MIPOL1: variants seen among roughly 807,000 people sequenced by gnomAD.
MIPOL1 encodes mirror-image polydactyly gene 1 protein.
A neutral mutation model predicts 60.9 loss-of-function variants in MIPOL1; 57 were observed. That is an observed-to-expected ratio of 0.94 (90% CI 0.76 to 1.17). The LOEUF (loss-of-function observed/expected upper bound fraction) is 1.17, where lower values mean the gene tolerates loss of function less well. Among genes scored for constraint, MIPOL1 ranks in the 50% most tolerant of loss-of-function variants. The pLI is 0.00. For missense variants in MIPOL1, 551 were observed against 511.6 expected (o/e 1.08, Z -0.74); for synonymous variants, 179 against 168.8 (o/e 1.06, Z -0.47).
chr14:37,453,257 A>G (rs1341708183), intron 11 of MIPOL1, among the ~76,000 whole-genome samples: 1 of 152,130 alleles, frequency 6.6e-6, no homozygotes, highest in African/African-American at 2.4e-5. Flanking sequence ...TTGTGAGATA[A>G]TTAGTAGCAT....
intron 12 of MIPOL1, among the ~76,000 whole-genome samples, chr14:37,523,787 G>T (rs1478397480): frequency 1.3e-5 from 2 of 152,160 alleles, no homozygotes; most frequent in African/African-American, 4.8e-5. Context: ...ATACACAGAA[G>T]TGTGTAATTA....
intron 10 of MIPOL1, among the ~76,000 whole-genome samples, chr14:37,373,545 AC>A (rs1454194420): frequency 2.6e-5 from 4 of 151,172 alleles, no homozygotes; most frequent in Admixed American, 1.3e-4. Context: ...TAGCGCCCCA[AC>A]CCCCAACAGG....
chr14:37,291,596 T>C (rs1257548319), intron 7 of MIPOL1, among the ~76,000 whole-genome samples: 4 of 152,188 alleles, frequency 2.6e-5, no homozygotes, highest in African/African-American at 9.7e-5. Flanking sequence ...GAAAATTTTC[T>C]TCTTTCCCTT....
intron 11 of MIPOL1, among the ~76,000 whole-genome samples, chr14:37,460,340 A>T (rs1408517398): frequency 6.6e-6 from 1 of 152,106 alleles, no homozygotes; most frequent in Non-Finnish European, 1.5e-5. Context: ...ACCTTCAACA[A>T]ACTAGGCCTT....
Position 37,313,940 on chromosome 14 carries a change from T to A in MIPOL1, c.828+5421T>A, listed in dbSNP as rs1021404514. ...ACCTTTCCTTGGGTTTCCTTCTACT[T>A]TTCTGTCTTCTAGGTGTTAGTTTCT... On this transcript the variant is annotated intron_variant, in intron 9 of 12. Coordinates refer to ENST00000684589, the MANE Select transcript of MIPOL1 (RefSeq NM_001388067.1). Among the ~76,000 whole-genome samples, 7 of 152,142 alleles carry A rather than the reference T, an allele frequency of 4.6e-5. No homozygotes were observed. In the South Asian group the frequency reaches 8.3e-4, roughly 18 times the overall value.
chr14:37,399,435 C>T (rs2093439967), intron 10 of MIPOL1, among the ~76,000 whole-genome samples: 1 of 152,112 alleles, frequency 6.6e-6, no homozygotes, highest in Non-Finnish European at 1.5e-5. Context: ...CTCCCTAAGC[C>T]AGTGATGCGT....
chr14:37,294,429 C>G (rs2085415109), intron 7 of MIPOL1, among the ~76,000 whole-genome samples: 2 of 152,162 alleles, frequency 1.3e-5, no homozygotes, highest in South Asian at 4.1e-4. Flanking sequence ...AACGCAGCTC[C>G]TCACCAGCAA....
At chr14:37,222,570 A>G (rs1212051987) in intron 1 of MIPOL1, among the ~76,000 whole-genome samples, 1 of 152,144 alleles carries the variant, frequency 6.6e-6, no homozygotes, top group Admixed American at 6.5e-5. Context: ...TAATTAAACC[A>G]AGTTCTTTGC....
intron 9 of MIPOL1, among the ~76,000 whole-genome samples, chr14:37,344,010 A>G (rs1015612939): frequency 6.6e-6 from 1 of 152,154 alleles, no homozygotes; most frequent in African/African-American, 2.4e-5. Context: ...TTTTGAAGGA[A>G]ATCCAGACAT....
At chr14:37,490,241 G>C (rs906423786) in intron 11 of MIPOL1, among the ~76,000 whole-genome samples, 1 of 152,296 alleles carries the variant, frequency 6.6e-6, no homozygotes, top group East Asian at 1.9e-4. Context: ...CTGTGGCTTT[G>C]TTTACACTGT....
At chr14:37,483,836 A>G (rs948733102) in intron 11 of MIPOL1, among the ~76,000 whole-genome samples, 3 of 152,016 alleles carry the variant, frequency 2.0e-5, no homozygotes, top group African/African-American at 7.2e-5. Context: ...GGGTTTCACT[A>G]TGTTGCGCAA....
At chr14:37,354,247 T>G (rs1646553518) in intron 9 of MIPOL1, among the ~76,000 whole-genome samples, 1 of 151,560 alleles carries the variant, frequency 6.6e-6, no homozygotes, top group Admixed American at 6.6e-5. Flanking sequence ...TGAGTTCTAG[T>G]TTGATTGCAC....
intron 10 of MIPOL1, among the ~76,000 whole-genome samples, chr14:37,394,106 A>G (rs1196684959): frequency 7.5e-6 from 1 of 134,048 alleles, no homozygotes; most frequent in Non-Finnish European, 1.6e-5. Context: ...TATCATATAT[A>G]TATATCCACA....
At chr14:37,464,565 G>A (rs1006796213) in intron 11 of MIPOL1, among the ~76,000 whole-genome samples, 1 of 152,122 alleles carries the variant, frequency 6.6e-6, no homozygotes, top group Non-Finnish European at 1.5e-5. Flanking sequence ...GAGAATAATA[G>A]ACACTGGGGA....
intron 7 of MIPOL1, among the ~76,000 whole-genome samples, chr14:37,307,231 A>C (rs906679155): frequency 3.3e-5 from 5 of 151,966 alleles, no homozygotes; most frequent in Non-Finnish European, 7.4e-5. Flanking sequence ...TAATTTTAAA[A>C]TAATTGAGAT....
chr14:37,522,125 A>G (rs2095418420), intron 12 of MIPOL1, among the ~76,000 whole-genome samples: 1 of 151,892 alleles, frequency 6.6e-6, no homozygotes, highest in African/African-American at 2.4e-5. Context: ...ATTTTTAAAT[A>G]CTTTTATTAT....
At chr14:37,468,199 T>C (rs2094627969) in intron 11 of MIPOL1, among the ~76,000 whole-genome samples, 1 of 152,028 alleles carries the variant, frequency 6.6e-6, no homozygotes, top group African/African-American at 2.4e-5. Context: ...TGTGTGTGTG[T>C]AGTTGCTCAA....
intron 9 of MIPOL1, among the ~76,000 whole-genome samples, chr14:37,349,840 G>A (rs571139891): frequency 3.3e-5 from 5 of 152,132 alleles, no homozygotes; most frequent in African/African-American, 1.2e-4. Flanking sequence ...TGCTGTATCC[G>A]CAGCCATATA....
intron 7 of MIPOL1, among the ~76,000 whole-genome samples, chr14:37,299,249 A>G (rs1370663566): frequency 1.3e-5 from 2 of 149,010 alleles, no homozygotes; most frequent in Admixed American, 1.3e-4. Context: ...TTGAACAATG[A>G]GAACACAGGA....
Sources: gnomAD v4.1 joint callset for allele counts (sites outside exome capture counted in the v4.1 genomes callset) on GRCh38, gnomAD v4.1.1 for gene constraint, MANE v1.5 for transcripts, NCBI Gene and HGNC (gene_info 2026-07-23, HGNC 2026-07-21) for gene names.